Variants in MARCHF8 observed in about 807,000 individuals in gnomAD.
MARCHF8 encodes membrane associated ring-CH-type finger 8, also known as E3 ubiquitin-protein ligase MARCHF8.
In MARCHF8, 40 loss-of-function variants were observed where a neutral mutation model predicts 51.6. The observed-to-expected ratio is 0.77, with a 90% CI of 0.60 to 1.01. MARCHF8 has a LOEUF of 1.01. MARCHF8 is among the 50% of genes least tolerant of loss of function. The pLI is 0.00. For missense variants in MARCHF8, 685 were observed against 708.6 expected, an observed-to-expected ratio of 0.97 and a Z score of 0.38; for synonymous variants, 263 against 280.3, an observed-to-expected ratio of 0.94 and a Z score of 0.62.
intron 2 of MARCHF8, among the ~76,000 whole-genome samples, chr10:45,506,294 T>C (rs1326586928): frequency 2.0e-5 from 3 of 152,210 alleles, no homozygotes; most frequent in Non-Finnish European, 4.4e-5. Flanking sequence ...AAAGAAACAG[T>C]TGTATCTTTA....
At chr10:45,591,764 T>C (rs1415568409) in intron 1 of MARCHF8, among the ~76,000 whole-genome samples, 1 of 152,138 alleles carries the variant, frequency 6.6e-6, no homozygotes, top group Non-Finnish European at 1.5e-5. Flanking sequence ...TACACAATAT[T>C]GTAAAGTATT....
intron 2 of MARCHF8, among the ~76,000 whole-genome samples, chr10:45,526,176 C>T (rs909115565): frequency 5.9e-5 from 9 of 152,048 alleles, no homozygotes; most frequent in African/African-American, 9.7e-5. Flanking sequence ...AGCTCCAAAA[C>T]GGCGAGTAGA....
intron 1 of MARCHF8, among the ~76,000 whole-genome samples, chr10:45,561,900 C>CAAAAAAAAAA (rs34329041): frequency 4.8e-5 from 2 of 41,532 alleles, no homozygotes; most frequent in African/African-American, 9.0e-5. Flanking sequence ...GACTCCGTCT[C>CAAAAAAAAAA]AAAAAAAAAA....
At chr10:45,480,574 G>A (rs1226407766) in intron 3 of MARCHF8, among the ~76,000 whole-genome samples, 1 of 152,194 alleles carries the variant, frequency 6.6e-6, no homozygotes, top group Non-Finnish European at 1.5e-5. Context: ...CTAACCAAAG[G>A]ATACAAGCAG....
chr10:45,513,034 G>A (rs1013597183), intron 2 of MARCHF8, among the ~76,000 whole-genome samples: 4 of 151,130 alleles, frequency 2.6e-5, no homozygotes, highest in African/African-American at 9.8e-5. Flanking sequence ...CAGCATGCTC[G>A]TTAAGAATCA....
chr10:45,494,226 T>C (rs1319701688), intron 2 of MARCHF8, among the ~76,000 whole-genome samples: 1 of 152,252 alleles, frequency 6.6e-6, no homozygotes, highest in East Asian at 1.9e-4. Context: ...CAAGTCCACA[T>C]GTGGCTCCCA....
At chr10:45,555,784 G>A (rs2044246229) in intron 1 of MARCHF8, among the ~76,000 whole-genome samples, 1 of 151,670 alleles carries the variant, frequency 6.6e-6, no homozygotes, top group Non-Finnish European at 1.5e-5. Flanking sequence ...AAGAGTATGT[G>A]TTTATAATGA....
chr10:45,508,367 TTG>T (rs1157000405), intron 2 of MARCHF8, among the ~76,000 whole-genome samples: 2 of 150,842 alleles, frequency 1.3e-5, no homozygotes, highest in African/African-American at 2.4e-5. Flanking sequence ...CTGGAAACAA[TTG>T]TGTTTGTTAC....
At chr10:45,518,512 G>A (rs1471567339) in intron 2 of MARCHF8, among the ~76,000 whole-genome samples, 1 of 152,136 alleles carries the variant, frequency 6.6e-6, no homozygotes, top group Non-Finnish European at 1.5e-5. Context: ...CTAGACTACT[G>A]CTCTAAAGAC....
At chr10:45,462,881 C>T (rs1842837703) in intron 5 of MARCHF8, among the ~76,000 whole-genome samples, 1 of 152,218 alleles carries the variant, frequency 6.6e-6, no homozygotes, top group South Asian at 2.1e-4. Context: ...CCGCCTCAGC[C>T]TCCCAAAGTG....
chr10:45,467,809 G>A (rs1205972199), intron 3 of MARCHF8, among the ~76,000 whole-genome samples: 1 of 152,056 alleles, frequency 6.6e-6, no homozygotes, highest in Non-Finnish European at 1.5e-5. Flanking sequence ...CTCTCCATAG[G>A]ATCAGACCAC....
intron 1 of MARCHF8, among the ~76,000 whole-genome samples, chr10:45,575,266 T>C (rs2044476763): frequency 2.0e-5 from 3 of 152,158 alleles, no homozygotes; most frequent in African/African-American, 7.2e-5. Context: ...TTTTTCTCCT[T>C]CTCATCTGGC....
intron 3 of MARCHF8, among the ~76,000 whole-genome samples, chr10:45,486,047 T>C (rs1446977170): frequency 6.6e-6 from 1 of 152,242 alleles, no homozygotes; most frequent in Middle Eastern, 3.2e-3. Flanking sequence ...CCCACTGAAC[T>C]GGTTCATGTC....
chr10:45,505,121 G>A (rs568974195), intron 2 of MARCHF8, among the ~76,000 whole-genome samples: 1 of 152,288 alleles, frequency 6.6e-6, no homozygotes, highest in Non-Finnish European at 1.5e-5. Context: ...AAGAAAGAAG[G>A]ATTGCCTACT....
intron 1 of MARCHF8, among the ~76,000 whole-genome samples, chr10:45,580,953 T>C (rs1384028596): frequency 6.6e-6 from 1 of 152,032 alleles, no homozygotes; most frequent in East Asian, 1.9e-4. Context: ...TCCCCACTGA[T>C]TCCACCTTCT....
At chr10:45,532,312 G>A (rs2043900806) in intron 2 of MARCHF8, among the ~76,000 whole-genome samples, 3 of 152,170 alleles carry the variant, frequency 2.0e-5, no homozygotes, top group African/African-American at 7.2e-5. Flanking sequence ...CTCCCTTCCT[G>A]GCCTAACTGT....
chr10:45,494,056 A>T (rs1292457670), intron 2 of MARCHF8, among the ~76,000 whole-genome samples: 1 of 152,262 alleles, frequency 6.6e-6, no homozygotes, highest in Non-Finnish European at 1.5e-5. Flanking sequence ...ATCAATCAGG[A>T]AACACAATGG....
At chr10:45,470,698 T>C (rs891113392) in intron 3 of MARCHF8, among the ~76,000 whole-genome samples, 5 of 152,208 alleles carry the variant, frequency 3.3e-5, no homozygotes, top group African/African-American at 1.2e-4. Flanking sequence ...TGCTAGCGGT[T>C]ACTGCCCTCC....
intron 1 of MARCHF8, among the ~76,000 whole-genome samples, chr10:45,541,385 A>T (rs929559167): frequency 6.6e-6 from 1 of 152,172 alleles, no homozygotes; most frequent in Admixed American, 6.5e-5. Flanking sequence ...ACACATGGAC[A>T]CAGGAAGCGG....
Sources: gnomAD v4.1 joint callset for allele counts (sites outside exome capture counted in the v4.1 genomes callset) on GRCh38, gnomAD v4.1.1 for gene constraint, MANE v1.5 for transcripts, NCBI Gene and HGNC (gene_info 2026-07-23, HGNC 2026-07-21) for gene names.